The following MAGI1 variants were observed in gnomAD, a reference collection of about 807,000 sequenced individuals.
MAGI1 encodes membrane-associated guanylate kinase, WW and PDZ domain-containing protein 1.
A neutral mutation model predicts 139.9 loss-of-function variants in MAGI1; 58 were observed. The ratio of observed to expected loss-of-function variants is 0.41; its 90% confidence interval spans 0.34 to 0.52. The LOEUF (loss-of-function observed/expected upper bound fraction) is 0.52, where lower values mean the gene tolerates loss of function less well. MAGI1 is among the 20% of genes least tolerant of loss of function. The pLI, the probability that MAGI1 is intolerant of heterozygous loss-of-function variation, is 0.12. For missense variants in MAGI1, 1,874 were observed against 1,901.6 expected (o/e 0.99, Z 0.27); for synonymous variants, 812 against 737.9 (o/e 1.10, Z -1.63).
At chr3:65,765,945 C>CT (rs956590721) in intron 1 of MAGI1, among the ~76,000 whole-genome samples, 1 of 152,158 alleles carries the variant, frequency 6.6e-6, no homozygotes, top group African/African-American at 2.4e-5. Flanking sequence ...ATCTGCTGAC[C>CT]TAACTAAATA....
At chr3:65,632,129 A>T (rs917777846) in intron 1 of MAGI1, among the ~76,000 whole-genome samples, 1 of 152,200 alleles carries the variant, frequency 6.6e-6, no homozygotes, top group African/African-American at 2.4e-5. Flanking sequence ...ATTTCCTAGA[A>T]TTACTAGATT....
chr3:65,407,299 T>C (rs1216229051), intron 12 of MAGI1, among the ~76,000 whole-genome samples: 1 of 151,880 alleles, frequency 6.6e-6, no homozygotes, highest in Admixed American at 6.6e-5. Context: ...ATACAAAAAT[T>C]AGCTGGGTGT....
intron 1 of MAGI1, among the ~76,000 whole-genome samples, chr3:65,672,455 T>C (rs1403748186): frequency 6.6e-6 from 1 of 152,194 alleles, no homozygotes; most frequent in African/African-American, 2.4e-5. Flanking sequence ...ATATATCAGA[T>C]TATATCGGTT....
intron 2 of MAGI1, among the ~76,000 whole-genome samples, chr3:65,522,266 A>G (rs1319060988): frequency 6.6e-6 from 1 of 152,222 alleles, no homozygotes; most frequent in Non-Finnish European, 1.5e-5. Flanking sequence ...AGAGTTTCCA[A>G]AAAGAATAAA....
chr3:65,770,016 T>A (rs893726468), intron 1 of MAGI1, among the ~76,000 whole-genome samples: 14 of 152,216 alleles, frequency 9.2e-5, no homozygotes, highest in Admixed American at 5.2e-4. Context: ...ACGTGCCATC[T>A]GGGAGGATTG....
At chr3:65,709,618 T>G (rs1246729941) in intron 1 of MAGI1, among the ~76,000 whole-genome samples, 1 of 152,204 alleles carries the variant, frequency 6.6e-6, no homozygotes, top group Admixed American at 6.5e-5. Context: ...CAACATGAGC[T>G]TCTAGCAAGA....
intron 12 of MAGI1, among the ~76,000 whole-genome samples, chr3:65,407,769 A>AT (rs1945470678): frequency 6.6e-6 from 1 of 152,166 alleles, no homozygotes; most frequent in Non-Finnish European, 1.5e-5. Flanking sequence ...TATTTTCAGT[A>AT]TTTTCAAAGA....
intron 1 of MAGI1, among the ~76,000 whole-genome samples, chr3:65,852,228 C>CT (rs1165088061): frequency 2.0e-5 from 3 of 152,140 alleles, no homozygotes; most frequent in African/African-American, 7.2e-5. Flanking sequence ...CTGCTGGTGT[C>CT]TTCCACAAGG....
intron 1 of MAGI1, among the ~76,000 whole-genome samples, chr3:65,963,793 G>A (rs750154837): frequency 6.6e-6 from 1 of 152,204 alleles, no homozygotes; most frequent in Non-Finnish European, 1.5e-5. Context: ...CATAAAGACA[G>A]AGAGCTTTGC....
At chr3:65,470,232 A>G in intron 5 of MAGI1, 51 bp downstream of exon 5, 1 of 1,311,482 alleles carries the variant, frequency 7.6e-7, no homozygotes. Flanking sequence ...AGAGGGAAGG[A>G]AGGGAAAAGA....
Position 65,811,927 on chromosome 3 carries a change from CGTGTGTGT to C in MAGI1, c.314-189847_314-189840del, listed in dbSNP as rs71102883. On this transcript the variant is annotated intron_variant, in intron 1 of 22. Coordinates refer to ENST00000402939, the MANE Select transcript of MAGI1 (RefSeq NM_001033057.2). ...AATTTTTAAATCTTTTGTATGTTTA[CGTGTGTGT>C]GTGTGTGTGTGTGTGTGTGTGTGTG... Among the ~76,000 whole-genome samples the C allele has an allele frequency of 3.0e-3, 442 of 148,424 alleles. 2 individuals carry two copies. The highest frequency in any genetic ancestry group is 3.5e-3 in the Middle Eastern group (1 of 286).
At chr3:65,568,752 C>G (rs1017760338) in intron 2 of MAGI1, among the ~76,000 whole-genome samples, 1 of 152,168 alleles carries the variant, frequency 6.6e-6, no homozygotes, top group Non-Finnish European at 1.5e-5. Flanking sequence ...TCAGGGTGTT[C>G]AGTAAAGTCT....
chr3:65,706,976 C>T (rs1481896517), intron 1 of MAGI1, among the ~76,000 whole-genome samples: 1 of 152,176 alleles, frequency 6.6e-6, no homozygotes, highest in Non-Finnish European at 1.5e-5. Context: ...ACCAAAACCA[C>T]CTGTGGATTT....
intron 1 of MAGI1, among the ~76,000 whole-genome samples, chr3:65,858,639 G>C (rs1403360919): frequency 2.0e-5 from 3 of 152,138 alleles, no homozygotes; most frequent in Admixed American, 6.6e-5. Context: ...TATCTTTGGA[G>C]AAGAGGAAAG....
intron 22 of MAGI1, chr3:65,359,152 G>T (rs151240198): frequency 6.2e-7 from 1 of 1,613,304 alleles, no homozygotes; most frequent in Middle Eastern, 1.7e-4. Flanking sequence ...AGGTATCATC[G>T]CTGTGGAAGG....
At chr3:65,884,655 G>C (rs1166037623) in intron 1 of MAGI1, among the ~76,000 whole-genome samples, 1 of 151,744 alleles carries the variant, frequency 6.6e-6, no homozygotes, top group South Asian at 2.1e-4. Flanking sequence ...TGGGTATATT[G>C]CATGATGCTG....
At chr3:65,841,225 A>T (rs1460571954) in intron 1 of MAGI1, among the ~76,000 whole-genome samples, 2 of 152,004 alleles carry the variant, frequency 1.3e-5, no homozygotes, top group Non-Finnish European at 2.9e-5. Flanking sequence ...TTTTCAAAGA[A>T]CTAGCTTTTT....
intron 13 of MAGI1, among the ~76,000 whole-genome samples, chr3:65,399,132 A>G (rs867316663): frequency 2.0e-5 from 3 of 152,174 alleles, no homozygotes; most frequent in African/African-American, 7.2e-5. Context: ...CACTGTGCAC[A>G]TATGCACAGA....
At chr3:65,833,339 A>G (rs1235442196) in intron 1 of MAGI1, among the ~76,000 whole-genome samples, 2 of 152,016 alleles carry the variant, frequency 1.3e-5, no homozygotes, top group Non-Finnish European at 2.9e-5. Context: ...GGCTGGTTTC[A>G]AACTCCTGAC....
Sources: allele counts gnomAD v4.1 joint callset (sites outside exome capture counted in the v4.1 genomes callset), GRCh38; gene constraint gnomAD v4.1.1; transcripts MANE v1.5; gene names NCBI Gene and HGNC (gene_info 2026-07-23, HGNC 2026-07-21).